The following MARCO variants were observed in gnomAD, a reference collection of about 807,000 sequenced individuals.
MARCO encodes the protein macrophage receptor with collagenous structure.
A neutral mutation model predicts 70.0 loss-of-function variants in MARCO; 72 were observed. The ratio of observed to expected loss-of-function variants is 1.03; its 90% confidence interval spans 0.85 to 1.25. The LOEUF (loss-of-function observed/expected upper bound fraction) is 1.25. Ranked by LOEUF, MARCO falls within the 50% of genes most tolerant of loss-of-function variation. The probability of loss-of-function intolerance (pLI) is 0.00; values close to 1 mark genes in which losing one functional copy is unlikely to be tolerated. For synonymous variants in MARCO, 273 were observed against 243.1 expected (o/e 1.12, Z -1.14); for missense variants, 696 against 659.3 (o/e 1.06, Z -0.61).
At chr2:118,967,981 C>T (rs967226818) in intron 1 of MARCO, among the ~76,000 whole-genome samples, 1 of 152,212 alleles carries the variant, frequency 6.6e-6, no homozygotes, top group Non-Finnish European at 1.5e-5. Context: ...CTAGACCAAC[C>T]TGGGGTCATA....
chr2:118,981,526 A>G lies in MARCO; in HGVS notation c.865+19A>G. 2.5e-6 allele frequency: 4 copies of G among 1,594,136 alleles called. No homozygotes were observed. The highest frequency in any genetic ancestry group is 3.4e-6 in the Non-Finnish European group (4 of 1,168,098). On this transcript the variant is annotated intron_variant, in intron 9 of 16. Coordinates refer to ENST00000327097, the MANE Select transcript of MARCO (RefSeq NM_006770.4). ...CCACCAGGTAAGAGGGCACGTGGTC[A>G]CATCCACTGACCTCTAGGTATTTCC...
chr2:118,954,628 T>A (rs1027644553), intron 1 of MARCO, among the ~76,000 whole-genome samples: 1 of 152,146 alleles, frequency 6.6e-6, no homozygotes, highest in African/African-American at 2.4e-5. Context: ...AAATAGAGCA[T>A]TAAACCACCA....
intron 16 of MARCO, among the ~76,000 whole-genome samples, chr2:118,994,148 T>C (rs1276571675): frequency 6.6e-6 from 1 of 152,068 alleles, no homozygotes; most frequent in Non-Finnish European, 1.5e-5. Context: ...TGCATGAGAC[T>C]TTTGTCAAAG....
chr2:118,972,046 G>A (rs1680183095), intron 4 of MARCO, among the ~76,000 whole-genome samples: 1 of 152,200 alleles, frequency 6.6e-6, no homozygotes, highest in African/African-American at 2.4e-5. Context: ...CTGGCGGTGT[G>A]ACTCTGGGTC....
At chr2:118,992,384 T>A in intron 14 of MARCO, 48 bp from the exon 15 acceptor site, 1 of 1,560,512 alleles carries the variant, frequency 6.4e-7, no homozygotes, top group Non-Finnish European at 8.8e-7. Context: ...GGCAAAGGCG[T>A]CCTGCCTGGG....
rs187099111 is a variant in MARCO, at chr2:118,969,300, G to C, written c.199+39G>C. 45 of 1,555,776 alleles carry C rather than the reference G, an allele frequency of 2.9e-5. No homozygotes were observed. In the African/African-American group the frequency reaches 5.4e-4, roughly 19 times the overall value. On this transcript the variant is annotated intron_variant, in intron 2 of 16. Coordinates refer to ENST00000327097, the MANE Select transcript of MARCO (RefSeq NM_006770.4). Reference sequence around the variant, plus strand: ...GGTCCTGTGTAGTCCCTCCTGGGGGGAGAGGGGTGACCCAGCTGGGCCCCT... The same window carrying C: ...GGTCCTGTGTAGTCCCTCCTGGGGGCAGAGGGGTGACCCAGCTGGGCCCCT...
chr2:118,992,364 T>C, intron 14 of MARCO, 68 bp from the exon 15 acceptor site: 2 of 1,355,300 alleles, frequency 1.5e-6, no homozygotes, highest in Non-Finnish European at 2.1e-6. Context: ...TCCCCACTCA[T>C]GCAAATGCAG....
At position 118,986,691 on chromosome 2, in the gene MARCO, AAG is replaced by A. The variant is rs1558671879; in HGVS notation, c.1064-3896_1064-3895del. On this transcript the variant is annotated intron_variant, in intron 12 of 16. Coordinates refer to ENST00000327097, the MANE Select transcript of MARCO (RefSeq NM_006770.4). Reference sequence around the variant, plus strand: ...AAGGAAGGAAAGAAAGAAAGAAAGAAAGAAAGAAAGAAAGAAAGAAAGAAAGA... The same window carrying A: ...AAGGAAGGAAAGAAAGAAAGAAAGAAAAAGAAAGAAAGAAAGAAAGAAAGA... Among the ~76,000 whole-genome samples, 29 of 91,722 alleles carry A rather than the reference AAG, an allele frequency of 3.2e-4. 3 individuals are homozygous for A. Among genetic ancestry groups the A allele is most frequent in the Admixed American group, 8.1e-4 (8 of 9,824 alleles). 60.2% of individuals were successfully genotyped at this position (91,722 alleles called of 152,430 possible).
intron 6 of MARCO, among the ~76,000 whole-genome samples, chr2:118,977,130 G>A (rs1344021233): frequency 1.3e-5 from 2 of 152,134 alleles, no homozygotes; most frequent in African/African-American, 4.8e-5. Context: ...TAAGAGATCT[G>A]TCTTTGTGAC....
chr2:118,943,676 G>C (rs118027087), intron 1 of MARCO, among the ~76,000 whole-genome samples: 1 of 152,238 alleles, frequency 6.6e-6, no homozygotes, highest in Admixed American at 6.5e-5. Flanking sequence ...GTCCGTTAGA[G>C]AAAGAAGTTA....
intron 8 of MARCO, among the ~76,000 whole-genome samples, chr2:118,979,161 T>A (rs942995592): frequency 6.6e-6 from 1 of 152,124 alleles, no homozygotes; most frequent in Admixed American, 6.5e-5. Context: ...TTAGTAGGGA[T>A]GTGTCAGCCA....
chr2:118,968,494 G>T (rs76359470), intron 1 of MARCO, among the ~76,000 whole-genome samples: 1 of 152,208 alleles, frequency 6.6e-6, no homozygotes, highest in Non-Finnish European at 1.5e-5. Context: ...ATATGGGTTT[G>T]TAGGATTTCT....
At chr2:118,992,502 A>G (rs1310930431) in intron 15 of MARCO, 26 bp downstream of exon 15, 10 of 1,582,028 alleles carry the variant, frequency 6.3e-6, no homozygotes, top group Non-Finnish European at 8.7e-6. Context: ...ATTATCTTTA[A>G]TGTGTGCTTT....
At chr2:118,991,583 A>G (rs1037839109) in intron 13 of MARCO, among the ~76,000 whole-genome samples, 194 bp from the exon 14 acceptor site, 3 of 152,246 alleles carry the variant, frequency 2.0e-5, no homozygotes, top group African/African-American at 7.2e-5. Context: ...CCTGTTCTCG[A>G]CAGCATTTAC....
Position 118,986,668 on chromosome 2 carries a change from GGAAGGAAAGAAAGAAAGAAAGAAAGAAA to G in MARCO, c.1064-3917_1064-3890del, listed in dbSNP as rs202004354. Among the ~76,000 whole-genome samples the G allele has an allele frequency of 2.7e-3, 130 of 48,482 alleles. 6 individuals carry two copies. In the East Asian group the frequency reaches 0.032, roughly 12 times the overall value. 31.8% of individuals were successfully genotyped at this position (48,482 alleles called of 152,430 possible). A position where few individuals can be genotyped will look rare whatever the true frequency, so the allele number is the denominator to read the frequency against. On this transcript the variant is annotated intron_variant, in intron 12 of 16. Coordinates refer to ENST00000327097, the MANE Select transcript of MARCO (RefSeq NM_006770.4). ...AAGAAAGAAAGAAGGAAGGAAGGAAGGAAGGAAAGAAAGAAAGAAAGAAAGAAAGAAAGAAAGAAAGAAAGAAAGAAAG... is the reference window on the plus strand; with the variant it reads ...AAGAAAGAAAGAAGGAAGGAAGGAAGGAAAGAAAGAAAGAAAGAAAGAAAG...
At chr2:118,987,666 T>G (rs1680542637) in intron 12 of MARCO, among the ~76,000 whole-genome samples, 1 of 152,186 alleles carries the variant, frequency 6.6e-6, no homozygotes, top group East Asian at 1.9e-4. Flanking sequence ...GCAGTGTTAC[T>G]CAAAATGTGG....
intron 8 of MARCO, 47 bp from the exon 9 acceptor site, chr2:118,981,362 T>C (rs1450981167): frequency 8.1e-7 from 1 of 1,240,740 alleles, no homozygotes; most frequent in Non-Finnish European, 1.2e-6. Context: ...CATGGTGGCC[T>C]GATTGGAGTT....
rs771087832 is a variant in MARCO at position 118,970,096 on chromosome 2, C to T, written c.200-18C>T. ...AAATGCCTCAGTCCCTAAAAGAATG[C>T]TGTGGGGTGGGGCCCAGTTCTGAAT... On this transcript the variant is annotated intron_variant, in intron 2 of 16. Coordinates refer to ENST00000327097, the MANE Select transcript of MARCO (RefSeq NM_006770.4). 2 of 1,605,624 alleles carry T rather than the reference C, an allele frequency of 1.2e-6. No individual in the cohort carries two copies. Among genetic ancestry groups the T allele is most frequent in the Non-Finnish European group, 1.7e-6 (2 of 1,172,712 alleles).
chr2:118,994,635 C>A lies in MARCO; in HGVS notation c.*115C>A. Reference sequence around the variant, plus strand: ...AACTGAGCAGCCTCTGGAGAGGGGCCATTAATAAAGCTCAACATCATTGGC... The same window carrying A: ...AACTGAGCAGCCTCTGGAGAGGGGCAATTAATAAAGCTCAACATCATTGGC... On this transcript the variant is annotated 3_prime_UTR_variant, in exon 17 of 17. Transcript: ENST00000327097. 9.6e-7 allele frequency: 1 copy of A among 1,046,214 alleles called. No homozygotes were observed. Among genetic ancestry groups the A allele is most frequent in the Non-Finnish European group, 1.4e-6 (1 of 735,128 alleles). 64.8% of individuals were successfully genotyped at this position (1,046,214 alleles called of 1,614,324 possible).
Sources: gnomAD v4.1 joint callset for allele counts (sites outside exome capture counted in the v4.1 genomes callset) on GRCh38, gnomAD v4.1.1 for gene constraint, MANE v1.5 for transcripts, NCBI Gene and HGNC (gene_info 2026-07-23, HGNC 2026-07-21) for gene names.